Variants in VTI1A observed in about 807,000 individuals in gnomAD.
The protein encoded by VTI1A is vesicle transport through interaction with t-SNAREs homolog 1A.
A neutral mutation model predicts 34.9 loss-of-function variants in VTI1A; 22 were observed. That is an observed-to-expected ratio of 0.63 (90% CI 0.45 to 0.90). VTI1A has a LOEUF of 0.90. VTI1A is among the 40% of genes least tolerant of loss of function. The pLI, the probability that VTI1A is intolerant of heterozygous loss-of-function variation, is 0.00. For missense variants in VTI1A, 268 were observed against 275.6 expected (o/e 0.97, Z 0.20); for synonymous variants, 87 against 97.3 (o/e 0.89, Z 0.62).
intron 7 of VTI1A, among the ~76,000 whole-genome samples, chr10:112,726,863 G>A (rs1361145732): frequency 6.6e-6 from 1 of 152,092 alleles, no homozygotes; most frequent in African/African-American, 2.4e-5. Flanking sequence ...ATACCGGGGG[G>A]TCAGTTTCAA....
At chr10:112,533,485 C>A in intron 4 of VTI1A, 1 of 1,002,236 alleles carries the variant, frequency 1.0e-6, no homozygotes, top group Non-Finnish European at 1.2e-6. Context: ...TTCTTTCCTG[C>A]CATTTCTTTC....
chr10:112,613,453 C>A (rs532746182), intron 5 of VTI1A, among the ~76,000 whole-genome samples: 1 of 152,148 alleles, frequency 6.6e-6, no homozygotes, highest in South Asian at 2.1e-4. Flanking sequence ...TGAGGTACTT[C>A]CTATGCTGTA....
chr10:112,569,603 A>G (rs1852042459), intron 5 of VTI1A, among the ~76,000 whole-genome samples: 1 of 152,214 alleles, frequency 6.6e-6, no homozygotes, highest in African/African-American at 2.4e-5. Flanking sequence ...GTTGGCAGAT[A>G]ACTGTACATT....
At chr10:112,642,142 A>T (rs936191109) in intron 5 of VTI1A, among the ~76,000 whole-genome samples, 9 of 152,172 alleles carry the variant, frequency 5.9e-5, no homozygotes, top group South Asian at 2.1e-4. Context: ...AATATTCCAG[A>T]ATGTAGACCG....
chr10:112,830,165 G>A, the VTI1A span, among the ~76,000 whole-genome samples: 7 of 152,102 alleles, frequency 4.6e-5, no homozygotes, highest in African/African-American at 1.2e-4. Context: ...CCAGGGTGAG[G>A]ATTTGAAAAA....
At chr10:112,538,059 C>T (rs1349308120) in intron 4 of VTI1A, among the ~76,000 whole-genome samples, 187 bp from the exon 5 acceptor site, 1 of 152,012 alleles carries the variant, frequency 6.6e-6, no homozygotes, top group Non-Finnish European at 1.5e-5. Flanking sequence ...ATGGTCCATA[C>T]GTGATTGCTG....
chr10:112,579,057 A>G (rs746133841), intron 5 of VTI1A, among the ~76,000 whole-genome samples: 1 of 152,244 alleles, frequency 6.6e-6, no homozygotes, highest in Non-Finnish European at 1.5e-5. Flanking sequence ...TTTCTGGTAC[A>G]TGGAAACTTA....
chr10:112,456,421 C>CAA (rs71035387), intron 1 of VTI1A, among the ~76,000 whole-genome samples: 6 of 84,134 alleles, frequency 7.1e-5, no homozygotes, highest in Admixed American at 1.2e-4. Flanking sequence ...GAGTCCATCT[C>CAA]AAAAAAAAAA....
chr10:112,853,987 T>C, the VTI1A span, among the ~76,000 whole-genome samples: 1 of 152,072 alleles, frequency 6.6e-6, no homozygotes, highest in African/African-American at 2.4e-5. Context: ...TCCGAGAAGT[T>C]CTCAGCAGAC....
At chr10:112,687,715 G>C (rs1342651422) in intron 7 of VTI1A, among the ~76,000 whole-genome samples, 1 of 152,184 alleles carries the variant, frequency 6.6e-6, no homozygotes, top group East Asian at 1.9e-4. Context: ...CGTTGATCAA[G>C]TTCTCTGGCT....
At chr10:112,632,607 A>G (rs1846175039) in intron 5 of VTI1A, among the ~76,000 whole-genome samples, 1 of 152,238 alleles carries the variant, frequency 6.6e-6, no homozygotes, top group Admixed American at 6.5e-5. Context: ...TTCACATACC[A>G]GCTCATCAAT....
intron 3 of VTI1A, among the ~76,000 whole-genome samples, chr10:112,511,278 T>C (rs1849600372): frequency 6.6e-6 from 1 of 151,206 alleles, no homozygotes; most frequent in Admixed American, 6.6e-5. Flanking sequence ...AGAGTCTTGC[T>C]CTGTCACCAG....
chr10:112,757,103 G>A (rs185807083), intron 7 of VTI1A, among the ~76,000 whole-genome samples: 53 of 151,976 alleles, frequency 3.5e-4, no homozygotes, highest in African/African-American at 1.2e-3. Context: ...CTAATTCAGA[G>A]GCAGCCAAGT....
At chr10:112,674,873 T>G (rs1309970308) in intron 7 of VTI1A, among the ~76,000 whole-genome samples, 2 of 152,182 alleles carry the variant, frequency 1.3e-5, no homozygotes, top group Non-Finnish European at 2.9e-5. Context: ...GAACCAGTTT[T>G]CACTAGTGGT....
At chr10:112,781,013 C>T (rs1852106926) in intron 7 of VTI1A, among the ~76,000 whole-genome samples, 1 of 152,230 alleles carries the variant, frequency 6.6e-6, no homozygotes, top group Non-Finnish European at 1.5e-5. Context: ...AGGCTGATCT[C>T]GGCTCACTGC....
chr10:112,540,077 G>A (rs953892723), intron 5 of VTI1A, among the ~76,000 whole-genome samples: 4 of 152,098 alleles, frequency 2.6e-5, no homozygotes, highest in African/African-American at 7.2e-5. Context: ...TCTTCTCGTC[G>A]TGACACTGAT....
At chr10:112,722,659 C>T (rs1849855153) in intron 7 of VTI1A, among the ~76,000 whole-genome samples, 1 of 152,066 alleles carries the variant, frequency 6.6e-6, no homozygotes, top group African/African-American at 2.4e-5. Flanking sequence ...GTCAGTGGCT[C>T]TCAGCCCTTG....
intron 3 of VTI1A, among the ~76,000 whole-genome samples, chr10:112,489,211 A>G (rs1398310995): frequency 3.9e-5 from 6 of 152,106 alleles, no homozygotes; most frequent in African/African-American, 1.2e-4. Context: ...GTTGAGAACT[A>G]CTCGAGTGGA....
the VTI1A span, chr10:112,831,194 G>A: frequency 1.3e-5 from 2 of 151,932 alleles, no homozygotes; most frequent in Non-Finnish European, 2.9e-5. Context: ...TGAATGAATG[G>A]GAGAGAACTT....
Sources: gnomAD v4.1 joint callset for allele counts (sites outside exome capture counted in the v4.1 genomes callset) on GRCh38, gnomAD v4.1.1 for gene constraint, MANE v1.5 for transcripts, NCBI Gene and HGNC (gene_info 2026-07-23, HGNC 2026-07-21) for gene names.